Variants in CRIM1 observed in about 807,000 individuals in gnomAD.
CRIM1 encodes the protein cysteine rich transmembrane BMP regulator 1.
CRIM1 carries 32 observed loss-of-function variants against 116.4 expected under a neutral mutation model. That is an observed-to-expected ratio of 0.27 (90% CI 0.21 to 0.37). CRIM1 has a LOEUF of 0.37. Ranked by LOEUF, CRIM1 falls within the 10% of genes least tolerant of loss-of-function variation. The pLI, the probability that CRIM1 is intolerant of heterozygous loss-of-function variation, is 1.00. For missense variants in CRIM1, 1,331 were observed against 1,354.8 expected, an observed-to-expected ratio of 0.98 and a Z score of 0.28; for synonymous variants, 590 against 509.2, an observed-to-expected ratio of 1.16 and a Z score of -2.13.
intron 7 of CRIM1, among the ~76,000 whole-genome samples, chr2:36,483,385 A>G (rs774895324): frequency 3.3e-4 from 51 of 152,322 alleles, no homozygotes; most frequent in Middle Eastern, 6.8e-3. Flanking sequence ...AGTGGCTAAC[A>G]TTTCATACAA....
chr2:36,447,731 A>G (rs1043583410), intron 4 of CRIM1, among the ~76,000 whole-genome samples: 1 of 152,232 alleles, frequency 6.6e-6, no homozygotes, highest in Admixed American at 6.5e-5. Flanking sequence ...TCTTGATGAG[A>G]TAAGCCACAA....
At chr2:36,516,607 T>C (rs1303340289) in intron 11 of CRIM1, among the ~76,000 whole-genome samples, 1 of 152,002 alleles carries the variant, frequency 6.6e-6, no homozygotes, top group Non-Finnish European at 1.5e-5. Flanking sequence ...CAAGCACATG[T>C]TTAGTCTCAG....
chr2:36,376,048 C>T lies in CRIM1; in HGVS notation c.331+19425C>T, dbSNP rs966878451. On this transcript the variant is annotated intron_variant, in intron 1 of 16. Transcript: ENST00000280527. ...AATAAAGAGGTGTAAGGCAAGCTGA[C>T]ACCCATTAGAAAAAAAGGTTTAGAA... Among the ~76,000 whole-genome samples the T allele has an allele frequency of 3.3e-5, 5 of 152,274 alleles. No homozygotes were observed. The East Asian group carries it at 9.6e-4, about 29-fold the overall frequency.
At chr2:36,542,528 G>C (rs577091720) in intron 14 of CRIM1, among the ~76,000 whole-genome samples, 1 of 152,218 alleles carries the variant, frequency 6.6e-6, no homozygotes, top group African/African-American at 2.4e-5. Context: ...AGGTGGAACT[G>C]AATCAATCCC....
intron 8 of CRIM1, among the ~76,000 whole-genome samples, chr2:36,501,338 A>G (rs1008678040): frequency 5.3e-5 from 8 of 152,232 alleles, no homozygotes; most frequent in Non-Finnish European, 1.0e-4. Flanking sequence ...AAGAAGATAC[A>G]AAATAGGAGT....
At chr2:36,360,740 C>T (rs1029951433) in intron 1 of CRIM1, among the ~76,000 whole-genome samples, 3 of 152,036 alleles carry the variant, frequency 2.0e-5, no homozygotes, top group Non-Finnish European at 4.4e-5. Context: ...CTGCACAAGC[C>T]GCATGGAAAC....
intron 13 of CRIM1, among the ~76,000 whole-genome samples, chr2:36,528,312 C>A (rs573506364): frequency 6.6e-6 from 1 of 152,320 alleles, no homozygotes; most frequent in East Asian, 1.9e-4. Flanking sequence ...TGTACCTCAT[C>A]CTGCCTGCTC....
intron 16 of CRIM1, among the ~76,000 whole-genome samples, chr2:36,548,042 G>C (rs1042182114): frequency 1.3e-5 from 2 of 152,162 alleles, no homozygotes; most frequent in African/African-American, 4.8e-5. Flanking sequence ...TCTGTGCTGG[G>C]TCAGGATACA....
chr2:36,482,693 GCA>G (rs530244309), intron 7 of CRIM1, among the ~76,000 whole-genome samples: 22 of 152,324 alleles, frequency 1.4e-4, no homozygotes, highest in Middle Eastern at 3.4e-3. Context: ...ATTCCTCTGT[GCA>G]CAGTTGCGTA....
At chr2:36,362,110 A>G (rs973927340) in intron 1 of CRIM1, among the ~76,000 whole-genome samples, 3 of 152,104 alleles carry the variant, frequency 2.0e-5, no homozygotes, top group Non-Finnish European at 4.4e-5. Flanking sequence ...CTTAATCAAG[A>G]TAAGAAATAA....
intron 1 of CRIM1, among the ~76,000 whole-genome samples, chr2:36,359,703 T>C (rs1206137901): frequency 1.3e-5 from 2 of 152,224 alleles, no homozygotes; most frequent in African/African-American, 2.4e-5. Context: ...TTGTTTAGAT[T>C]GTTATTAAAT....
At position 36,548,758 on chromosome 2, in the gene CRIM1, A is replaced by G; in HGVS notation, c.*57A>G. ...CGGAAGACGACTAAATCTGCTCTAA[A>G]AAGTAAACTAGAATTTGTGCACTTG... On this transcript the variant is annotated 3_prime_UTR_variant, in exon 17 of 17. Transcript: ENST00000280527. The G allele has an allele frequency of 7.1e-7, 1 of 1,416,712 alleles. No homozygotes were observed. The allele number at this position is 1,416,712 out of a possible 1,614,324, so 87.8% of individuals were successfully genotyped here.
chr2:36,375,677 A>T (rs1441127753), intron 1 of CRIM1, among the ~76,000 whole-genome samples: 1 of 152,258 alleles, frequency 6.6e-6, no homozygotes, highest in Non-Finnish European at 1.5e-5. Context: ...AGTTGGAAAG[A>T]GTACCTATTT....
chr2:36,544,561 A>C (rs1016186277), intron 15 of CRIM1, 63 bp downstream of exon 15: 2 of 1,305,224 alleles, frequency 1.5e-6, no homozygotes, highest in South Asian at 3.2e-5. Context: ...GTGTTTTCTA[A>C]TTTTTAAAAT....
intron 1 of CRIM1, among the ~76,000 whole-genome samples, chr2:36,357,094 C>G (rs975664824): frequency 6.6e-6 from 1 of 152,174 alleles, no homozygotes; most frequent in Non-Finnish European, 1.5e-5. Flanking sequence ...GCGGAGGAGA[C>G]GTGTCTCCAG....
intron 2 of CRIM1, among the ~76,000 whole-genome samples, chr2:36,439,640 A>G (rs1420430047): frequency 6.6e-6 from 1 of 151,896 alleles, no homozygotes; most frequent in African/African-American, 2.4e-5. Flanking sequence ...TCTCCAAAGT[A>G]TCTCCGTGGC....
intron 16 of CRIM1, among the ~76,000 whole-genome samples, chr2:36,548,283 TC>T (rs372973041): frequency 4.7e-4 from 70 of 148,370 alleles, no homozygotes; most frequent in Non-Finnish European, 7.3e-4. Context: ...TTTTTTTTTT[TC>T]AGTTCCTTCA....
In CRIM1 at chr2:36,513,737, C is replaced by T. The variant is rs1380183531; in HGVS notation, c.1962C>T (p.His654=). ...CTGCCTGTGGCAACCCCACCATTCA[C>T]CCTGGACAGTGCTGCCCATCATGTG... The part of the protein sequence containing the change: ...PVPACGNPTI[H]PGQCCPSCAD... Residue 654 remains histidine (H), a synonymous_variant, in exon 11 of 17, where the codon CAC becomes CAT. Transcript: ENST00000280527. 2.5e-6 allele frequency: 4 copies of T among 1,614,166 alleles called. No homozygotes were observed. Among genetic ancestry groups the T allele is most frequent in the Middle Eastern group, 1.7e-4 (1 of 6,058 alleles).
intron 11 of CRIM1, 73 bp from the exon 12 acceptor site, chr2:36,517,254 A>T: frequency 8.0e-7 from 1 of 1,250,206 alleles, no homozygotes. Context: ...CCTTAAAGCA[A>T]ACAGCACCAG....
Sources: gnomAD v4.1 joint callset for allele counts (sites outside exome capture counted in the v4.1 genomes callset) on GRCh38, gnomAD v4.1.1 for gene constraint, MANE v1.5 for transcripts, NCBI Gene and HGNC (gene_info 2026-07-23, HGNC 2026-07-21) for gene names.